The following TBC1D22A variants were observed in gnomAD, a reference collection of about 807,000 sequenced individuals.
The protein encoded by TBC1D22A is TBC1 domain family member 22A.
Under a neutral mutation model 60.2 loss-of-function variants are expected in TBC1D22A, and 38 were observed. The observed-to-expected ratio is 0.63, with a 90% CI of 0.49 to 0.83. The LOEUF is 0.83. TBC1D22A is among the 40% of genes least tolerant of loss of function. The probability of loss-of-function intolerance (pLI) is 0.00; values close to 1 mark genes in which losing one functional copy is unlikely to be tolerated. For synonymous variants in TBC1D22A, 302 were observed against 281.7 expected (o/e 1.07, Z -0.72); for missense variants, 628 against 701.0 (o/e 0.90, Z 1.18).
chr22:46,995,532 T>TGA (rs368456742), intron 9 of TBC1D22A, among the ~76,000 whole-genome samples: 119 of 150,870 alleles, frequency 7.9e-4, no homozygotes, highest in African/African-American at 2.5e-3. Flanking sequence ...TGTGTGTGTG[T>TGA]GAGAGAGAAA....
At chr22:47,063,892 C>G (rs114118252) in intron 11 of TBC1D22A, among the ~76,000 whole-genome samples, 2 of 152,104 alleles carry the variant, frequency 1.3e-5, no homozygotes, top group African/African-American at 4.8e-5. Flanking sequence ...GCTGTGTCCA[C>G]GTTTTCCTCT....
intron 4 of TBC1D22A, among the ~76,000 whole-genome samples, chr22:46,876,360 A>C (rs566692628): frequency 1.6e-4 from 24 of 152,258 alleles, no homozygotes; most frequent in Non-Finnish European, 2.6e-4. Flanking sequence ...ACAAAGACAC[A>C]TGTGCATACA....
Position 47,109,530 on chromosome 22 carries a change from C to T in TBC1D22A, c.1330-1978C>T, listed in dbSNP as rs79516629. ...CTTGGTGTTTATTTCTGGCCCGAAT[C>T]ACTAGCCACTCTCTGGGCTTGTCCA... is the stretch of plus-strand genomic sequence containing the variant. On this transcript the variant is annotated intron_variant, in intron 11 of 12. Transcript: ENST00000337137. Among the ~76,000 whole-genome samples, 967 of 152,290 alleles carry T rather than the reference C, an allele frequency of 6.3e-3. 13 individuals are homozygous for T. The highest frequency in any genetic ancestry group is 0.022 in the African/African-American group (935 of 41,564).
intron 7 of TBC1D22A, among the ~76,000 whole-genome samples, chr22:46,904,422 C>T (rs2069294061): frequency 2.0e-5 from 3 of 152,068 alleles, no homozygotes; most frequent in Non-Finnish European, 4.4e-5. Flanking sequence ...AGTGTGCTCT[C>T]AGCCGCGAGT....
intron 12 of TBC1D22A, among the ~76,000 whole-genome samples, chr22:47,157,926 G>A (rs2055965865): frequency 1.3e-5 from 2 of 152,168 alleles, no homozygotes; most frequent in African/African-American, 4.8e-5. Flanking sequence ...GTAACTGGGG[G>A]ACTCCAGGCA....
At chr22:46,948,198 A>G (rs553220542) in intron 8 of TBC1D22A, among the ~76,000 whole-genome samples, 38 of 152,358 alleles carry the variant, frequency 2.5e-4, no homozygotes, top group Admixed American at 5.9e-4. Context: ...AGAGAAAACA[A>G]GAAATCAAAG....
intron 7 of TBC1D22A, among the ~76,000 whole-genome samples, chr22:46,911,643 C>T (rs960471159): frequency 9.2e-5 from 14 of 152,210 alleles, no homozygotes; most frequent in Middle Eastern, 6.8e-3. Flanking sequence ...AAGGGCCGTG[C>T]GTGGTGGCTC....
intron 7 of TBC1D22A, among the ~76,000 whole-genome samples, chr22:46,903,770 G>A (rs896323909): frequency 6.6e-6 from 1 of 152,180 alleles, no homozygotes; most frequent in Non-Finnish European, 1.5e-5. Context: ...TCTCCTTGAA[G>A]AGATTCTTAC....
intron 12 of TBC1D22A, among the ~76,000 whole-genome samples, chr22:47,164,749 G>T (rs920900130): frequency 1.3e-5 from 2 of 152,196 alleles, no homozygotes; most frequent in African/African-American, 4.8e-5. Context: ...CGCTGGCAGC[G>T]CTGACAGCAG....
chr22:47,169,857 C>A (rs1041340587), intron 12 of TBC1D22A, among the ~76,000 whole-genome samples: 5 of 152,204 alleles, frequency 3.3e-5, no homozygotes, highest in African/African-American at 1.2e-4. Flanking sequence ...CAAGTGCCGT[C>A]TATAGTTTTC....
At chr22:47,047,739 G>T (rs2063076263) in intron 11 of TBC1D22A, among the ~76,000 whole-genome samples, 1 of 152,254 alleles carries the variant, frequency 6.6e-6, no homozygotes, top group African/African-American at 2.4e-5. Flanking sequence ...CCCATCCTGT[G>T]TGGAGGGTTC....
At chr22:46,943,529 G>C (rs551020924) in intron 8 of TBC1D22A, among the ~76,000 whole-genome samples, 17 of 152,348 alleles carry the variant, frequency 1.1e-4, no homozygotes, top group African/African-American at 4.1e-4. Flanking sequence ...TGCCTGGAAA[G>C]GGGAATAAAC....
intron 11 of TBC1D22A, among the ~76,000 whole-genome samples, chr22:47,075,768 T>TA (rs1195867819): frequency 6.6e-6 from 1 of 152,078 alleles, no homozygotes; most frequent in Non-Finnish European, 1.5e-5. Flanking sequence ...TTTTGAAAAC[T>TA]AAAATCCAAC....
intron 4 of TBC1D22A, among the ~76,000 whole-genome samples, chr22:46,858,278 G>T (rs1194168197): frequency 6.6e-6 from 1 of 152,226 alleles, no homozygotes; most frequent in African/African-American, 2.4e-5. Flanking sequence ...CTTCTTTGAA[G>T]AAATGCCTAT....
At chr22:47,034,320 G>A (rs1483486816) in intron 10 of TBC1D22A, among the ~76,000 whole-genome samples, 3 of 152,252 alleles carry the variant, frequency 2.0e-5, no homozygotes, top group South Asian at 2.1e-4. Context: ...GTGGTGCCGC[G>A]TCCTTGTGTG....
intron 4 of TBC1D22A, among the ~76,000 whole-genome samples, chr22:46,833,407 C>G (rs1191681092): frequency 6.6e-6 from 1 of 152,214 alleles, no homozygotes; most frequent in Non-Finnish European, 1.5e-5. Flanking sequence ...CTTTCAAGAT[C>G]GGCAGTTAGA....
intron 11 of TBC1D22A, among the ~76,000 whole-genome samples, chr22:47,096,899 C>T (rs1240469878): frequency 6.6e-6 from 1 of 152,216 alleles, no homozygotes; most frequent in Non-Finnish European, 1.5e-5. Flanking sequence ...CCACTTTCTC[C>T]CCCACCCTCA....
chr22:47,080,655 G>A (rs1267431448), intron 11 of TBC1D22A, among the ~76,000 whole-genome samples: 1 of 151,306 alleles, frequency 6.6e-6, no homozygotes, highest in Non-Finnish European at 1.5e-5. Flanking sequence ...ATGAAAAGAA[G>A]AAGGACTTAA....
chr22:47,150,829 T>G (rs532159749), intron 12 of TBC1D22A, among the ~76,000 whole-genome samples: 10 of 152,060 alleles, frequency 6.6e-5, no homozygotes, highest in South Asian at 2.1e-4. Flanking sequence ...TGACCCTCCC[T>G]TGGGACCAGA....
Sources: gnomAD v4.1 joint callset for allele counts (sites outside exome capture counted in the v4.1 genomes callset) on GRCh38, gnomAD v4.1.1 for gene constraint, MANE v1.5 for transcripts, NCBI Gene and HGNC (gene_info 2026-07-23, HGNC 2026-07-21) for gene names.